RBFOX1: variants seen among roughly 807,000 people sequenced by gnomAD.
RBFOX1 encodes RNA binding protein fox-1 homolog 1.
In RBFOX1, 8 loss-of-function variants were observed where a neutral mutation model predicts 57.7. The observed-to-expected ratio is 0.14, with a 90% CI of 0.08 to 0.25. The LOEUF (loss-of-function observed/expected upper bound fraction) is 0.25. RBFOX1 is among the 10% of genes least tolerant of loss of function. RBFOX1 has a pLI of 1.00. For missense variants in RBFOX1, 611 were observed against 548.5 expected (o/e 1.11, Z -1.14); for synonymous variants, 326 against 222.4 (o/e 1.47, Z -4.15).
intron 3 of RBFOX1, among the ~76,000 whole-genome samples, chr16:5,649,358 C>G (rs909194844): frequency 2.6e-5 from 4 of 152,016 alleles, no homozygotes; most frequent in Non-Finnish European, 5.9e-5. Flanking sequence ...TTAGTACAGA[C>G]GGGGTTTCGC....
At chr16:7,323,075 T>C (rs1460853527) in intron 4 of RBFOX1, among the ~76,000 whole-genome samples, 1 of 152,104 alleles carries the variant, frequency 6.6e-6, no homozygotes, top group Non-Finnish European at 1.5e-5. Context: ...ATGGTTGAGA[T>C]TGACTAAGGG....
intron 2 of RBFOX1, among the ~76,000 whole-genome samples, chr16:5,497,550 G>T (rs1417504117): frequency 1.3e-5 from 2 of 150,408 alleles, no homozygotes; most frequent in African/African-American, 5.0e-5. Context: ...TGAGAGGCGG[G>T]TGAATCACCT....
chr16:6,826,635 T>TA (rs897754970), intron 3 of RBFOX1, among the ~76,000 whole-genome samples: 1 of 151,490 alleles, frequency 6.6e-6, no homozygotes, highest in Non-Finnish European at 1.5e-5. Flanking sequence ...TTCTTTTTTT[T>TA]AAAAACCTTC....
intron 4 of RBFOX1, among the ~76,000 whole-genome samples, chr16:7,246,977 A>G (rs2094327873): frequency 6.6e-6 from 1 of 152,160 alleles, no homozygotes; most frequent in South Asian, 2.1e-4. Flanking sequence ...TACCCTATGT[A>G]TTCTTTTCCT....
intron 2 of RBFOX1, among the ~76,000 whole-genome samples, chr16:6,501,635 T>G (rs2095932688): frequency 6.6e-6 from 1 of 152,176 alleles, no homozygotes; most frequent in African/African-American, 2.4e-5. Flanking sequence ...GCAGCATGAT[T>G]TAGAATCCAA....
rs568435254 is a variant in RBFOX1 at position 5,493,207 on chromosome 16, T to G, written c.258+25953T>G. Among the ~76,000 whole-genome samples the G allele has an allele frequency of 3.8e-3, 573 of 152,328 alleles. 11 individuals are homozygous for G. Among genetic ancestry groups the G allele is most frequent in the African/African-American group, 0.013 (549 of 41,562 alleles). ...CATAGCTTTCATTTTTGCCCTGAAATTTTTTATTTGCTTATTTTCATTTTT... is the reference window on the plus strand; with the variant it reads ...CATAGCTTTCATTTTTGCCCTGAAAGTTTTTATTTGCTTATTTTCATTTTT... On this transcript the variant is annotated intron_variant, in intron 2 of 2. Coordinates refer to the RBFOX1 transcript ENST00000585867.
chr16:6,249,063 A>G (rs986660501), intron 1 of RBFOX1, among the ~76,000 whole-genome samples: 1 of 152,172 alleles, frequency 6.6e-6, no homozygotes, highest in Admixed American at 6.5e-5. Context: ...CATTTTGAGA[A>G]TGCTGTGAAG....
intron 3 of RBFOX1, among the ~76,000 whole-genome samples, chr16:6,884,933 T>C (rs755892258): frequency 6.6e-6 from 1 of 152,084 alleles, no homozygotes; most frequent in African/African-American, 2.4e-5. Context: ...CCTGCAAATA[T>C]TAAGTGTTAA....
intron 4 of RBFOX1, among the ~76,000 whole-genome samples, chr16:7,369,568 T>C (rs191182453): frequency 4.9e-4 from 74 of 152,282 alleles, no homozygotes; most frequent in African/African-American, 1.7e-3. Context: ...ATAATTAACA[T>C]ATGGTTATAG....
rs759174003 is a variant in RBFOX1 at position 7,052,053 on chromosome 16, C to G, written c.-15-4C>G. 1.2e-6 allele frequency: 2 copies of G among 1,611,936 alleles called. No individual in the cohort carries two copies. The highest frequency in any genetic ancestry group is 1.7e-6 in the Non-Finnish European group (2 of 1,179,246). On this transcript the variant is annotated splice_region_variant and splice_polypyrimidine_tract_variant and intron_variant, in intron 3 of 15. Coordinates refer to ENST00000550418, the MANE Select transcript of RBFOX1 (RefSeq NM_018723.4). The stretch of plus-strand genomic sequence containing the variant: ...TTTTCCCCTTCATTTTCTTTTCTTT[C>G]TAGGTTTCAAGACAACAGATGAATT...
At chr16:6,086,735 C>G (rs2096091071) in intron 1 of RBFOX1, among the ~76,000 whole-genome samples, 1 of 152,146 alleles carries the variant, frequency 6.6e-6, no homozygotes, top group African/African-American at 2.4e-5. Context: ...GTGGCTAAGC[C>G]TATTGCATCA....
intron 1 of RBFOX1, among the ~76,000 whole-genome samples, chr16:5,318,989 T>C (rs1180442567): frequency 6.6e-6 from 1 of 152,080 alleles, no homozygotes; most frequent in Non-Finnish European, 1.5e-5. Context: ...TAGCTGGGCA[T>C]GGTGGCGTGC....
At chr16:7,121,681 T>A (rs2067218059) in intron 4 of RBFOX1, among the ~76,000 whole-genome samples, 1 of 151,984 alleles carries the variant, frequency 6.6e-6, no homozygotes, top group Non-Finnish European at 1.5e-5. Flanking sequence ...GGTATTTTTG[T>A]AGCTATAAAC....
At chr16:6,864,995 C>CTTTTTTTTTTTTTTTTTTTTTTT (rs34341448) in intron 3 of RBFOX1, among the ~76,000 whole-genome samples, 1 of 82,564 alleles carries the variant, frequency 1.2e-5, no homozygotes, top group African/African-American at 5.6e-5. Flanking sequence ...TTTTCTTTTT[C>CTTTTTTTTTTTTTTTTTTTTTTT]TTTTTTTTTT....
At chr16:5,491,443 A>G (rs1193178343) in intron 2 of RBFOX1, among the ~76,000 whole-genome samples, 1 of 152,234 alleles carries the variant, frequency 6.6e-6, no homozygotes, top group African/African-American at 2.4e-5. Flanking sequence ...ATGCATACAT[A>G]TATTCACCAA....
At position 5,266,621 on chromosome 16, in the gene RBFOX1, C is replaced by T. The variant is rs187982211; in HGVS notation, c.219+26516C>T. The stretch of plus-strand genomic sequence containing the variant: ...GGAGCACAGTGGCACGATCATGGCT[C>T]ACTGCAGCCTCTGTCTCCTGGGCTC... On this transcript the variant is annotated intron_variant, in intron 1 of 2. Coordinates refer to the RBFOX1 transcript ENST00000585867. 3.1e-3 allele frequency among the ~76,000 whole-genome samples: 463 copies of T among 148,180 alleles called. 1 individual carries two copies. The highest frequency in any genetic ancestry group is 0.018 in the Middle Eastern group (5 of 282).
intron 2 of RBFOX1, among the ~76,000 whole-genome samples, chr16:5,473,408 T>C (rs544735478): frequency 6.6e-6 from 1 of 152,236 alleles, no homozygotes; most frequent in Non-Finnish European, 1.5e-5. Context: ...CTGTTTTTTT[T>C]TCTTTTTTTC....
intron 1 of RBFOX1, among the ~76,000 whole-genome samples, chr16:6,088,480 C>A (rs1308374454): frequency 2.6e-5 from 4 of 152,052 alleles, no homozygotes; most frequent in Admixed American, 2.6e-4. Flanking sequence ...CACCATTCAA[C>A]CATCCATGCA....
intron 3 of RBFOX1, among the ~76,000 whole-genome samples, chr16:6,963,812 C>T (rs1407764127): frequency 2.6e-5 from 4 of 151,706 alleles, no homozygotes; most frequent in Non-Finnish European, 5.9e-5. Flanking sequence ...CATTCTCCTG[C>T]CTCAGCCTCT....
Sources: allele counts gnomAD v4.1 joint callset (sites outside exome capture counted in the v4.1 genomes callset), GRCh38; gene constraint gnomAD v4.1.1; transcripts MANE v1.5; gene names NCBI Gene and HGNC (gene_info 2026-07-23, HGNC 2026-07-21).